Variants in PIK3CB observed in about 807,000 individuals in gnomAD.
PIK3CB encodes the protein phosphatidylinositol-4,5-bisphosphate 3-kinase catalytic subunit beta.
In PIK3CB, 39 loss-of-function variants were observed where a neutral mutation model predicts 136.8. That is an observed-to-expected ratio of 0.29 (90% CI 0.22 to 0.37). The LOEUF is 0.37. Ranked by LOEUF, PIK3CB falls within the 10% of genes least tolerant of loss-of-function variation. PIK3CB has a pLI of 1.00. For missense variants in PIK3CB, 868 were observed against 1,275.4 expected (o/e 0.68, Z 4.87); for synonymous variants, 428 against 436.6 (o/e 0.98, Z 0.25).
At chr3:138,757,103 T>C (rs1445686396) in intron 3 of PIK3CB, among the ~76,000 whole-genome samples, 2 of 151,906 alleles carry the variant, frequency 1.3e-5, no homozygotes, top group Non-Finnish European at 2.9e-5. Flanking sequence ...ATGAGGGAAA[T>C]GCACATAAAA....
chr3:138,795,323 T>TAAAAAA (rs56912195), intron 2 of PIK3CB, among the ~76,000 whole-genome samples: 1 of 112,374 alleles, frequency 8.9e-6, no homozygotes, highest in African/African-American at 3.5e-5. Context: ...CTCTGTCTTT[T>TAAAAAA]AAAAAAAAAA....
chr3:138,665,552 T>C (rs1470150933), intron 19 of PIK3CB, among the ~76,000 whole-genome samples: 1 of 152,224 alleles, frequency 6.6e-6, no homozygotes, highest in Non-Finnish European at 1.5e-5. Context: ...CTTTATGGAA[T>C]ACCCAGTAAG....
intron 15 of PIK3CB, among the ~76,000 whole-genome samples, chr3:138,690,549 T>C (rs996694981): frequency 6.6e-6 from 1 of 152,078 alleles, no homozygotes; most frequent in African/African-American, 2.4e-5. Flanking sequence ...CATTATAGTA[T>C]ACCTTTACCT....
At chr3:138,706,743 C>T (rs982219843) in intron 11 of PIK3CB, among the ~76,000 whole-genome samples, 4 of 152,154 alleles carry the variant, frequency 2.6e-5, no homozygotes, top group Admixed American at 2.6e-4. Context: ...CTGCAACCTC[C>T]GCCTCCCGGG....
intron 4 of PIK3CB, among the ~76,000 whole-genome samples, chr3:138,748,464 A>G (rs2045406784): frequency 6.6e-6 from 1 of 152,128 alleles, no homozygotes; most frequent in African/African-American, 2.4e-5. Flanking sequence ...CCTCTGCATA[A>G]ATAGTCTCTG....
At chr3:138,741,425 GAAT>G (rs1160635530) in intron 5 of PIK3CB, among the ~76,000 whole-genome samples, 1 of 152,216 alleles carries the variant, frequency 6.6e-6, no homozygotes, top group Non-Finnish European at 1.5e-5. Context: ...GAATTATGCA[GAAT>G]AAGTGCTCAA....
rs1576435680 is a variant in PIK3CB at position 138,826,225 on chromosome 3, A to G, written c.-122+8470T>C. 5.4e-6 allele frequency: 8 copies of G among 1,479,778 alleles called. 1 individual carries two copies. Among genetic ancestry groups the G allele is most frequent in the African/African-American group, 2.8e-5 (2 of 72,686 alleles). 91.7% of individuals were successfully genotyped at this position (1,479,778 alleles called of 1,614,324 possible). ...CCTCTGGGTCATTTTGCTGCTCGTG[A>G]TATGAAACAGAGTTGCCGTGGGTGT... On this transcript the variant is annotated intron_variant, in intron 1 of 23. Coordinates refer to ENST00000674063, the MANE Select transcript of PIK3CB (RefSeq NM_006219.3).
intron 1 of PIK3CB, among the ~76,000 whole-genome samples, chr3:138,832,926 C>A (rs1461918103): frequency 6.6e-6 from 1 of 150,840 alleles, no homozygotes; most frequent in African/African-American, 2.4e-5. Flanking sequence ...GCAGGAGGAT[C>A]GCTTGAACCC....
chr3:138,729,846 T>A (rs534575582), intron 8 of PIK3CB, among the ~76,000 whole-genome samples: 1 of 152,338 alleles, frequency 6.6e-6, no homozygotes, highest in South Asian at 2.1e-4. Context: ...TAGCTATACA[T>A]ATTGTATCCT....
At chr3:138,785,037 G>C (rs958343829) in intron 2 of PIK3CB, among the ~76,000 whole-genome samples, 1 of 152,084 alleles carries the variant, frequency 6.6e-6, no homozygotes, top group African/African-American at 2.4e-5. Flanking sequence ...CCTCCGCCCC[G>C]CAGCCGCCCC....
intron 2 of PIK3CB, among the ~76,000 whole-genome samples, chr3:138,790,583 T>A (rs2046036646): frequency 6.7e-6 from 1 of 148,644 alleles, no homozygotes; most frequent in Non-Finnish European, 1.5e-5. Context: ...AGCGGGCAGA[T>A]CATGAGGTCA....
In PIK3CB at chr3:138,711,690, T is replaced by C. The variant is rs575883803; in HGVS notation, c.1399+518A>G. Among the ~76,000 whole-genome samples the C allele has an allele frequency of 2.6e-5, 4 of 152,138 alleles. No individual in the cohort carries two copies. In the East Asian group the frequency reaches 7.7e-4, roughly 29 times the overall value. ...TACCCATCACAAAACTTAAAAGTTA[T>C]GTCCCATAGCGAGACTAGACAATCT... On this transcript the variant is annotated intron_variant, in intron 10 of 23. Transcript: ENST00000674063.
chr3:138,753,239 A>C (rs2045505443), intron 4 of PIK3CB, among the ~76,000 whole-genome samples: 1 of 152,006 alleles, frequency 6.6e-6, no homozygotes, highest in East Asian at 1.9e-4. Context: ...AAACAAAAAC[A>C]GCTGGGCGCA....
intron 2 of PIK3CB, among the ~76,000 whole-genome samples, chr3:138,790,807 C>A (rs1474138353): frequency 6.8e-6 from 1 of 147,624 alleles, no homozygotes; most frequent in Non-Finnish European, 1.5e-5. Context: ...GAGTGAGACT[C>A]CTTCTCAAAA....
At chr3:138,734,885 TA>T in intron 6 of PIK3CB, 81 bp from the exon 7 acceptor site, 1 of 861,634 alleles carries the variant, frequency 1.2e-6, no homozygotes, top group Non-Finnish European at 1.7e-6. Flanking sequence ...TGAACAACAC[TA>T]TATCAAATGC....
chr3:138,797,529 GT>G (rs2046122294), intron 1 of PIK3CB, among the ~76,000 whole-genome samples: 1 of 152,048 alleles, frequency 6.6e-6, no homozygotes. Context: ...TCTTTAAGGT[GT>G]CTTTTGATGA....
At chr3:138,742,236 C>T (rs571871116) in intron 5 of PIK3CB, among the ~76,000 whole-genome samples, 4 of 152,170 alleles carry the variant, frequency 2.6e-5, no homozygotes, top group Non-Finnish European at 5.9e-5. Context: ...TTTACTTCTT[C>T]TTCTTTTAAA....
chr3:138,757,658 AAGG>A (rs1281907304), intron 3 of PIK3CB, among the ~76,000 whole-genome samples: 1 of 131,356 alleles, frequency 7.6e-6, no homozygotes, highest in African/African-American at 2.8e-5. Context: ...GAGGGAGAGG[AAGG>A]AGGGGAGGTA....
At chr3:138,711,305 G>A (rs1343571881) in intron 10 of PIK3CB, among the ~76,000 whole-genome samples, 7 of 151,580 alleles carry the variant, frequency 4.6e-5, no homozygotes, top group East Asian at 3.9e-4. Context: ...ACGGCCAGGC[G>A]CGGTGGCTCA....
Sources: allele counts gnomAD v4.1 joint callset (sites outside exome capture counted in the v4.1 genomes callset), GRCh38; gene constraint gnomAD v4.1.1; transcripts MANE v1.5; gene names NCBI Gene and HGNC (gene_info 2026-07-23, HGNC 2026-07-21).